Variants in TREML2 observed in about 807,000 individuals in gnomAD.
The protein encoded by TREML2 is trem-like transcript 2 protein.
A neutral mutation model predicts 25.9 loss-of-function variants in TREML2; 24 were observed. The ratio of observed to expected loss-of-function variants is 0.93; its 90% CI spans 0.67 to 1.30. The LOEUF is 1.30. Ranked by LOEUF, TREML2 falls within the 50% of genes most tolerant of loss-of-function variation. The pLI is 0.00. For synonymous variants in TREML2, 139 were observed against 155.2 expected (o/e 0.90, Z 0.77); for missense variants, 359 against 395.6 (o/e 0.91, Z 0.78).
Position 41,190,167 on chromosome 6 carries a change from G to A in TREML2, c.*2260C>T, listed in dbSNP as rs1766025984. The A allele has an allele frequency of 6.6e-6, 1 of 151,990 alleles. No homozygotes were observed. The highest frequency in any genetic ancestry group is 2.4e-5 in the African/African-American group (1 of 41,346). The allele number at this position is 151,990 out of a possible 1,614,324, so 9.4% of individuals were successfully genotyped here. Reference sequence around the variant, plus strand: ...CTTTTGTTTAAAAGAATTCTACCGAGAACCCACCCTAACTGCCTGCCTGAC... The same window carrying A: ...CTTTTGTTTAAAAGAATTCTACCGAAAACCCACCCTAACTGCCTGCCTGAC... On this transcript the variant is annotated 3_prime_UTR_variant, in exon 5 of 5. Transcript: ENST00000483722.
chr6:41,198,205 C>T lies in TREML2; in HGVS notation c.280G>A (p.Ala94Thr), dbSNP rs1766205744. Residue 94 changes from alanine to threonine, a missense_variant, in exon 2 of 5, where the codon GCC (alanine) becomes ACC (threonine). By Grantham distance (58) the Ala-to-Thr change is moderately conservative (BLOSUM62 0). Transcript: ENST00000483722. ...CGGCCTGAGTCCTGGAGCTTGAGGG[C>T]CACCATGGTGATGTTGACCACCTTG... ...QAKVVNITMV[A>T]LKLQDSGRYW... The T allele has an allele frequency of 2.5e-6, 4 of 1,614,102 alleles. No individual in the cohort carries two copies. The highest frequency in any genetic ancestry group is 2.5e-6 in the Non-Finnish European group (3 of 1,180,052).
At chr6:41,194,118 C>T (rs534174773) in intron 3 of TREML2, among the ~76,000 whole-genome samples, 11 of 144,094 alleles carry the variant, frequency 7.6e-5, no homozygotes, top group African/African-American at 2.3e-4. Flanking sequence ...CCTCCTCCCC[C>T]GACCCTCCTT....
At chr6:41,196,310 C>T (rs561273700) in intron 2 of TREML2, among the ~76,000 whole-genome samples, 4 of 152,294 alleles carry the variant, frequency 2.6e-5, no homozygotes, top group South Asian at 2.1e-4. Flanking sequence ...CACATTTTAG[C>T]GACAGCATTT....
rs766588085 is a variant in TREML2 at position 41,198,393 on chromosome 6, A to G, written c.92T>C (p.Leu31Pro). ...CACAGACAGAGTCTCCCCTTCAAGGAGCCTCACTTTTGTGTATACACTGTC... is the reference window on the plus strand; with the variant it reads ...CACAGACAGAGTCTCCCCTTCAAGGGGCCTCACTTTTGTGTATACACTGTC... ...SADSVYTKVR[L>P]LEGETLSVQC... Residue 31 changes from leucine to proline, a missense_variant, in exon 2 of 5, where the codon CTC (leucine) becomes CCC (proline). Leu to Pro is a moderately conservative substitution (Grantham distance 98, BLOSUM62 -3). Transcript: ENST00000483722. 6.2e-7 allele frequency: 1 copy of G among 1,613,918 alleles called. No homozygotes were observed. The highest frequency in any genetic ancestry group is 8.5e-7 in the Non-Finnish European group (1 of 1,179,928).
At chr6:41,194,937 T>C (rs970092518) in intron 2 of TREML2, 104 bp from the exon 3 acceptor site, 22 of 1,043,770 alleles carry the variant, frequency 2.1e-5, no homozygotes, top group Middle Eastern at 4.9e-4. Context: ...GATGGGGGCC[T>C]GTCCTCTTCT....
At chr6:41,193,718 T>C (rs1467764958) in intron 3 of TREML2, among the ~76,000 whole-genome samples, 2 of 151,222 alleles carry the variant, frequency 1.3e-5, no homozygotes, top group African/African-American at 2.4e-5. Context: ...CCTCACCCTC[T>C]CCTCTCCATC....
chr6:41,194,833 G>A lies in TREML2; in HGVS notation c.377C>T (p.Ala126Val). The change falls in exon 3 of 5, where the codon GCT becomes GTT. Residue 126 changes from alanine (A) to valine (V), a missense_variant and splice_region_variant. Transcript: ENST00000483722. ...AGGAATGTTCCTCTCAGTTTGGGGA[G>A]CTGAAAGACAGAAAGGGAGGAACGT... is the stretch of plus-strand genomic sequence containing the variant. The part of the protein sequence containing the change: ...LMGFQLDVSP[A>V]PQTERNIPFT... The A allele has an allele frequency of 6.4e-7, 1 of 1,553,200 alleles. No homozygotes were observed.
At chr6:41,194,320 G>A in intron 3 of TREML2, 105 bp downstream of exon 3, 1 of 1,193,568 alleles carries the variant, frequency 8.4e-7, no homozygotes, top group South Asian at 1.6e-5. Flanking sequence ...AGGCCACATT[G>A]GGTTCCTGGG....
chr6:41,194,927 G>A (rs1766134680), intron 2 of TREML2, 94 bp from the exon 3 acceptor site: 4 of 1,199,602 alleles, frequency 3.3e-6, no homozygotes, highest in Non-Finnish European at 4.6e-6. Flanking sequence ...TGGAAGCCTG[G>A]ATGGGGGCCT....
At position 41,198,242 on chromosome 6, in the gene TREML2, G is replaced by T. The variant is rs150414991; in HGVS notation, c.243C>A (p.Asp81Glu). The change falls in exon 2 of 5, where the codon GAC (aspartate) becomes GAA (glutamate). Residue 81 changes from aspartate to glutamate, a missense_variant. Physicochemically the swap from Asp to Glu is conservative, Grantham distance 45. Coordinates refer to ENST00000483722, the MANE Select transcript of TREML2 (RefSeq NM_024807.4). Reference sequence around the variant, plus strand: ...TGTTGACCACCTTGGCCTGGGCATCGTCCTGCAGCAAGTAGCGGGGCCCTT... The same window carrying T: ...TGTTGACCACCTTGGCCTGGGCATCTTCCTGCAGCAAGTAGCGGGGCCCTT... ...WVKGPRYLLQ[D>E]DAQAKVVNIT... 52 of 1,614,232 alleles carry T rather than the reference G, an allele frequency of 3.2e-5. 1 individual carries two copies. In the South Asian group the frequency reaches 5.2e-4, roughly 16 times the overall value.
rs773981370 is a variant in TREML2 at position 41,192,384 on chromosome 6, G to A, written c.*43C>T. On this transcript the variant is annotated 3_prime_UTR_variant, in exon 5 of 5. Transcript: ENST00000483722. ...TCTTCACCCCTCCTCTAACCCCCTGGGGCCACTCTGGGAGAAGCTCCCCAC... is the reference window on the plus strand; with the variant it reads ...TCTTCACCCCTCCTCTAACCCCCTGAGGCCACTCTGGGAGAAGCTCCCCAC... 2.7e-5 allele frequency: 41 copies of A among 1,531,312 alleles called. No homozygotes were observed. In the Admixed American group the frequency reaches 6.6e-4, roughly 25 times the overall value. The allele number at this position is 1,531,312 out of a possible 1,614,324, so 94.9% of individuals were successfully genotyped here.
chr6:41,192,743 C>G, intron 4 of TREML2, 58 bp downstream of exon 4: 1 of 1,498,746 alleles, frequency 6.7e-7, no homozygotes. Context: ...GGTCATAACC[C>G]TTAGTGCAGT....
chr6:41,197,521 G>A (rs1467692766), intron 2 of TREML2, among the ~76,000 whole-genome samples: 2 of 152,130 alleles, frequency 1.3e-5, no homozygotes, highest in Non-Finnish European at 2.9e-5. Flanking sequence ...ACCATTCAGG[G>A]CTCTGCTTGG....
intron 3 of TREML2, among the ~76,000 whole-genome samples, chr6:41,193,195 G>C (rs971576402): frequency 6.6e-6 from 1 of 152,160 alleles, no homozygotes; most frequent in African/African-American, 2.4e-5. Flanking sequence ...TGTGGCTAAA[G>C]AGATCAAGAT....
intron 2 of TREML2, among the ~76,000 whole-genome samples, chr6:41,196,159 T>C (rs1766157252): frequency 6.6e-6 from 1 of 152,216 alleles, no homozygotes; most frequent in African/African-American, 2.4e-5. Context: ...TGACATAACA[T>C]GATTAGAGGA....
rs1766034531 is a variant in TREML2 at position 41,190,542 on chromosome 6, A to G, written c.*1885T>C. The G allele has an allele frequency of 6.6e-6, 1 of 152,214 alleles. No individual in the cohort carries two copies. Among genetic ancestry groups the G allele is most frequent in the South Asian group, 2.1e-4 (1 of 4,832 alleles). The allele number at this position is 152,214 out of a possible 1,614,324, so 9.4% of individuals were successfully genotyped here. On this transcript the variant is annotated 3_prime_UTR_variant, in exon 5 of 5. Coordinates refer to ENST00000483722, the MANE Select transcript of TREML2 (RefSeq NM_024807.4). ...CTTGAAAACAATCTTGAGAAGTAGG[A>G]ATTATTGTCCTCTTTCACAAGACAG...
chr6:41,192,524 A>C lies in TREML2; in HGVS notation c.887-18T>G. 6.2e-7 allele frequency: 1 copy of C among 1,612,132 alleles called. No individual in the cohort carries two copies. The highest frequency in any genetic ancestry group is 1.1e-5 in the South Asian group (1 of 90,792). Reference sequence around the variant, plus strand: ...GCTGTAGCCTGCAAGAAACAGGGAGAGCTGAGGAAGTGTCCTGCCCTGCCC... The same window carrying C: ...GCTGTAGCCTGCAAGAAACAGGGAGCGCTGAGGAAGTGTCCTGCCCTGCCC... On this transcript the variant is annotated intron_variant, in intron 4 of 4. Coordinates refer to ENST00000483722, the MANE Select transcript of TREML2 (RefSeq NM_024807.4).
In TREML2 at chr6:41,192,147, G is replaced by A. The variant is rs1364251447; in HGVS notation, c.*280C>T. The A allele has an allele frequency of 1.8e-5, 8 of 447,252 alleles. No homozygotes were observed. The East Asian group carries it at 3.1e-4, about 17-fold the overall frequency. 27.7% of individuals were successfully genotyped at this position (447,252 alleles called of 1,614,324 possible). A position where few individuals can be genotyped will look rare whatever the true frequency, so the allele number is the denominator to read the frequency against. ...CCCTGCCTCCACCAAGAGCCCTGGG[G>A]TCTGCAGCTCCGAGCAGAAACCACT... On this transcript the variant is annotated 3_prime_UTR_variant, in exon 5 of 5. Coordinates refer to ENST00000483722, the MANE Select transcript of TREML2 (RefSeq NM_024807.4).
rs1174363769 is a variant in TREML2 at position 41,190,594 on chromosome 6, T to TGA, written c.*1832_*1833insTC. The TGA allele has an allele frequency of 6.6e-6, 1 of 152,256 alleles. No individual in the cohort carries two copies. Among genetic ancestry groups the TGA allele is most frequent in the East Asian group, 1.9e-4 (1 of 5,200 alleles). 9.4% of individuals were successfully genotyped at this position (152,256 alleles called of 1,614,324 possible). A position where few individuals can be genotyped will look rare whatever the true frequency, so the allele number is the denominator to read the frequency against. Reference sequence around the variant, plus strand: ...AAAAATGAGGCCAAGGGTTAGTGACTTGCTGAGGGTCACACAGTGACAGAG... The same window carrying TGA: ...AAAAATGAGGCCAAGGGTTAGTGACTGATGCTGAGGGTCACACAGTGACAGAG... On this transcript the variant is annotated 3_prime_UTR_variant, in exon 5 of 5. Transcript: ENST00000483722.
Sources: allele counts gnomAD v4.1 joint callset (sites outside exome capture counted in the v4.1 genomes callset), GRCh38; gene constraint gnomAD v4.1.1; transcripts MANE v1.5; gene names NCBI Gene and HGNC (gene_info 2026-07-23, HGNC 2026-07-21).